The following OSBPL8 variants were observed in gnomAD, a reference collection of about 807,000 sequenced individuals.
OSBPL8 encodes oxysterol-binding protein-related protein 8.
In OSBPL8, 59 loss-of-function variants were observed where a neutral mutation model predicts 125.5. The observed-to-expected ratio is 0.47, with a 90% CI of 0.38 to 0.58. The LOEUF is 0.58. Among genes scored for constraint, OSBPL8 ranks in the 20% least tolerant of loss-of-function variants. OSBPL8 has a pLI of 0.00. For missense variants in OSBPL8, 758 were observed against 1,047.8 expected (o/e 0.72, Z 3.82); for synonymous variants, 330 against 338.9 (o/e 0.97, Z 0.29).
At chr12:76,469,520 C>T (rs1592737232) in intron 2 of OSBPL8, among the ~76,000 whole-genome samples, 1 of 152,316 alleles carries the variant, frequency 6.6e-6, no homozygotes, top group East Asian at 1.9e-4. Context: ...CCCTTTCCCA[C>T]AACCCCAAAC....
intron 3 of OSBPL8, among the ~76,000 whole-genome samples, chr12:76,451,450 AAT>A (rs745728917): frequency 1.3e-5 from 2 of 152,172 alleles, no homozygotes; most frequent in African/African-American, 2.4e-5. Flanking sequence ...CATTCGCTAG[AAT>A]TTCTACTCTA....
intron 4 of OSBPL8, among the ~76,000 whole-genome samples, chr12:76,427,682 A>G (rs1263406478): frequency 6.6e-6 from 1 of 152,062 alleles, no homozygotes; most frequent in East Asian, 1.9e-4. Context: ...ACTTATAATC[A>G]CTACAGATTT....
intron 5 of OSBPL8, among the ~76,000 whole-genome samples, chr12:76,410,081 G>A (rs1373857734): frequency 6.6e-6 from 1 of 152,110 alleles, no homozygotes; most frequent in African/African-American, 2.4e-5. Flanking sequence ...CTAAGAATGT[G>A]TCTAAGTATC....
intron 8 of OSBPL8, among the ~76,000 whole-genome samples, chr12:76,396,779 C>CTTAAACT (rs1297888981): frequency 6.6e-6 from 1 of 152,056 alleles, no homozygotes; most frequent in African/African-American, 2.4e-5. Context: ...CACAAAACCA[C>CTTAAACT]TTAAACTTGA....
intron 12 of OSBPL8, 34 bp downstream of exon 12, chr12:76,389,611 T>C (rs754319508): frequency 7.0e-7 from 1 of 1,429,550 alleles, no homozygotes; most frequent in Admixed American, 2.4e-5. Context: ...AATCATGAAG[T>C]ATTGTCTATT....
intron 1 of OSBPL8, among the ~76,000 whole-genome samples, chr12:76,532,239 G>A (rs1357906229): frequency 6.6e-6 from 1 of 151,560 alleles, no homozygotes; most frequent in Non-Finnish European, 1.5e-5. Flanking sequence ...AATTAAACTA[G>A]GTGGTATCAG....
At chr12:76,440,566 T>C (rs748164694) in intron 4 of OSBPL8, among the ~76,000 whole-genome samples, 1 of 152,138 alleles carries the variant, frequency 6.6e-6, no homozygotes, top group Non-Finnish European at 1.5e-5. Flanking sequence ...ACAGAGATAA[T>C]ATGGATTTTG....
intron 1 of OSBPL8, among the ~76,000 whole-genome samples, chr12:76,530,722 G>A (rs746170443): frequency 5.3e-5 from 8 of 152,094 alleles, no homozygotes; most frequent in African/African-American, 9.7e-5. Context: ...ATCACAGTAG[G>A]TGCTCCTTAG....
chr12:76,452,608 G>C (rs1259356098), intron 3 of OSBPL8, among the ~76,000 whole-genome samples: 1 of 152,006 alleles, frequency 6.6e-6, no homozygotes, highest in Non-Finnish European at 1.5e-5. Context: ...CTCTTACTGA[G>C]CAATCTTTTA....
intron 1 of OSBPL8, among the ~76,000 whole-genome samples, chr12:76,533,142 A>G (rs1467103600): frequency 6.6e-6 from 1 of 152,232 alleles, no homozygotes; most frequent in Non-Finnish European, 1.5e-5. Context: ...GAACATTTTA[A>G]AACACCATAT....
intron 1 of OSBPL8, among the ~76,000 whole-genome samples, chr12:76,555,766 A>G (rs1951075930): frequency 6.6e-6 from 1 of 152,206 alleles, no homozygotes; most frequent in African/African-American, 2.4e-5. Flanking sequence ...TCTGACCCTT[A>G]TCGTACTTCC....
intron 1 of OSBPL8, among the ~76,000 whole-genome samples, chr12:76,488,525 CTG>C (rs1878395501): frequency 6.6e-6 from 1 of 152,198 alleles, no homozygotes; most frequent in Non-Finnish European, 1.5e-5. Flanking sequence ...CTTTGTGTCT[CTG>C]TGTCATAGTT....
At chr12:76,459,749 A>T (rs1565914506) in intron 3 of OSBPL8, 110 bp downstream of exon 3, 5 of 1,264,824 alleles carry the variant, frequency 4.0e-6, no homozygotes, top group Non-Finnish European at 5.6e-6. Context: ...TGGAAAGAAA[A>T]GTAGAACACT....
At chr12:76,463,952 T>C (rs974701853) in intron 2 of OSBPL8, among the ~76,000 whole-genome samples, 8 of 152,328 alleles carry the variant, frequency 5.3e-5, no homozygotes, top group African/African-American at 1.9e-4. Flanking sequence ...CCATGTTGTA[T>C]AACACATGAA....
chr12:76,518,497 T>A (rs967067604), intron 1 of OSBPL8, among the ~76,000 whole-genome samples: 2 of 152,148 alleles, frequency 1.3e-5, no homozygotes, highest in Non-Finnish European at 2.9e-5. Context: ...GGTGGCCCAC[T>A]TTCCATAGTT....
chr12:76,361,193 A>G (rs958185315), intron 21 of OSBPL8, among the ~76,000 whole-genome samples: 1 of 152,160 alleles, frequency 6.6e-6, no homozygotes, highest in Non-Finnish European at 1.5e-5. Flanking sequence ...GCTGCTTAGA[A>G]ATTTCTTCTG....
intron 1 of OSBPL8, among the ~76,000 whole-genome samples, chr12:76,540,551 T>C (rs1443648846): frequency 6.8e-6 from 1 of 147,316 alleles, no homozygotes; most frequent in African/African-American, 2.5e-5. Context: ...TCTAGAAGAA[T>C]AACACCAAAC....
intron 1 of OSBPL8, among the ~76,000 whole-genome samples, chr12:76,531,086 G>A (rs1950326792): frequency 6.6e-6 from 1 of 152,144 alleles, no homozygotes; most frequent in African/African-American, 2.4e-5. Context: ...GTTCCACATG[G>A]CTGAGAAGGC....
chr12:76,480,528 A>C (rs1251587106), intron 2 of OSBPL8, among the ~76,000 whole-genome samples: 1 of 152,234 alleles, frequency 6.6e-6, no homozygotes, highest in East Asian at 1.9e-4. Flanking sequence ...ACAAACTGTT[A>C]GAGTTAGCAA....
Sources: allele counts gnomAD v4.1 joint callset (sites outside exome capture counted in the v4.1 genomes callset), GRCh38; gene constraint gnomAD v4.1.1; transcripts MANE v1.5; gene names NCBI Gene and HGNC (gene_info 2026-07-23, HGNC 2026-07-21).